Variants in PDE4D observed in about 807,000 individuals in gnomAD.
PDE4D encodes 3',5'-cyclic-AMP phosphodiesterase 4D.
In PDE4D, 24 loss-of-function variants were observed where a neutral mutation model predicts 87.4. The observed-to-expected ratio is 0.27, with a 90% CI of 0.20 to 0.39. The LOEUF is 0.39. PDE4D is among the 10% of genes least tolerant of loss of function. The pLI is 1.00. For missense variants in PDE4D, 714 were observed against 1,041.0 expected (o/e 0.69, Z 4.32); for synonymous variants, 384 against 383.2 (o/e 1.00, Z -0.02).
chr5:60,460,297 T>C (rs1265191742), intron 1 of PDE4D: 1 of 1,021,980 alleles, frequency 9.8e-7, no homozygotes, highest in African/African-American at 1.6e-5. Flanking sequence ...TAGAAGTTTA[T>C]TTTCAAAGTA....
At chr5:59,593,761 G>C (rs2153704092) in intron 1 of PDE4D, among the ~76,000 whole-genome samples, 1 of 152,276 alleles carries the variant, frequency 6.6e-6, no homozygotes, top group Non-Finnish European at 1.5e-5. Context: ...ATCGTTAGAG[G>C]CTGAGTGCAG....
intron 1 of PDE4D, among the ~76,000 whole-genome samples, chr5:59,313,601 C>T (rs1211277769): frequency 2.6e-5 from 4 of 152,126 alleles, no homozygotes; most frequent in Non-Finnish European, 4.4e-5. Flanking sequence ...TCTGCTCCCC[C>T]TCCATAAAGC....
intron 2 of PDE4D, among the ~76,000 whole-genome samples, chr5:60,100,659 T>C (rs1215363478): frequency 6.6e-6 from 1 of 152,124 alleles, no homozygotes; most frequent in African/African-American, 2.4e-5. Context: ...TTCTCAGGGT[T>C]CTTCAACCTT....
At chr5:60,377,500 T>C (rs1327712942) in intron 1 of PDE4D, among the ~76,000 whole-genome samples, 4 of 152,182 alleles carry the variant, frequency 2.6e-5, no homozygotes, top group Non-Finnish European at 4.4e-5. Context: ...CCAAATATTG[T>C]TTATTAGCCA....
chr5:59,127,021 A>C (rs1328020067), intron 5 of PDE4D, among the ~76,000 whole-genome samples: 1 of 152,204 alleles, frequency 6.6e-6, no homozygotes, highest in Non-Finnish European at 1.5e-5. Flanking sequence ...GTAACCTCCA[A>C]GACATTTTCC....
Position 60,024,359 on chromosome 5 carries a change from A to G in PDE4D, c.43-35642T>C, listed in dbSNP as rs190041195. On this transcript the variant is annotated intron_variant, in intron 2 of 16. Transcript: ENST00000502484. ...CTATGCTTAGTTGCATTTCTTGTTG[A>G]AGCTAGTCTGAAAATAGCAATAAGT... is the stretch of plus-strand genomic sequence containing the variant. Among the ~76,000 whole-genome samples the G allele has an allele frequency of 5.0e-4, 76 of 152,312 alleles. 1 individual carries two copies. The highest frequency in any genetic ancestry group is 1.8e-3 in the African/African-American group (74 of 41,578).
At chr5:59,540,151 T>C (rs1435372834) in intron 1 of PDE4D, among the ~76,000 whole-genome samples, 1 of 152,180 alleles carries the variant, frequency 6.6e-6, no homozygotes, top group African/African-American at 2.4e-5. Context: ...CTTTGAGATG[T>C]GACTTATACG....
chr5:59,915,549 A>G (rs1405481597), intron 3 of PDE4D, among the ~76,000 whole-genome samples: 1 of 152,184 alleles, frequency 6.6e-6, no homozygotes. Context: ...TTAGTTTTAC[A>G]GTTTGTTTTG....
intron 1 of PDE4D, among the ~76,000 whole-genome samples, chr5:59,636,202 C>G (rs1832221018): frequency 6.6e-6 from 1 of 152,130 alleles, no homozygotes; most frequent in Admixed American, 6.6e-5. Context: ...TCAAGTTGAA[C>G]TACAAACCAC....
chr5:59,222,450 C>T (rs1581459190), intron 1 of PDE4D, among the ~76,000 whole-genome samples: 1 of 152,126 alleles, frequency 6.6e-6, no homozygotes, highest in African/African-American at 2.4e-5. Context: ...GCACTGACCC[C>T]CAGTATGAAG....
At chr5:59,432,000 A>C (rs1413228990) in intron 1 of PDE4D, among the ~76,000 whole-genome samples, 1 of 152,058 alleles carries the variant, frequency 6.6e-6, no homozygotes, top group African/African-American at 2.4e-5. Context: ...ATTTCTATTC[A>C]ATAATTTTCT....
chr5:59,548,075 T>C (rs1333105913), intron 1 of PDE4D, among the ~76,000 whole-genome samples: 1 of 152,114 alleles, frequency 6.6e-6, no homozygotes, highest in Non-Finnish European at 1.5e-5. Flanking sequence ...AAACGCTCAA[T>C]CAAATCATGA....
At chr5:59,752,472 C>T (rs193179151) in intron 1 of PDE4D, among the ~76,000 whole-genome samples, 16 of 152,240 alleles carry the variant, frequency 1.1e-4, no homozygotes, top group African/African-American at 3.9e-4. Context: ...GATTCCTGAA[C>T]CTCTTTGTAT....
rs538038491 is a variant in PDE4D, at chr5:59,255,505, A to G, written c.456-39537T>C. Among the ~76,000 whole-genome samples, 7 of 152,208 alleles carry G rather than the reference A, an allele frequency of 4.6e-5. No individual in the cohort carries two copies. In the South Asian group the frequency reaches 1.4e-3, roughly 32 times the overall value. ...TTATAGTGGTAGTAAAATGTTCTAC[A>G]TTGATTTTGGTGACGGTTGCAAAAG... On this transcript the variant is annotated intron_variant, in intron 1 of 14. Coordinates refer to ENST00000340635, the MANE Select transcript of PDE4D (RefSeq NM_001104631.2).
intron 2 of PDE4D, among the ~76,000 whole-genome samples, chr5:60,133,101 G>A (rs2149402013): frequency 6.6e-6 from 1 of 152,192 alleles, no homozygotes; most frequent in East Asian, 1.9e-4. Flanking sequence ...TCCAATTTCT[G>A]GCTCTGCTAT....
intron 2 of PDE4D, among the ~76,000 whole-genome samples, chr5:60,027,723 A>G (rs757809784): frequency 2.6e-5 from 4 of 152,236 alleles, no homozygotes; most frequent in African/African-American, 7.2e-5. Flanking sequence ...AGATTTGTTG[A>G]TTAAATAAAT....
intron 1 of PDE4D, chr5:59,703,529 TG>T (rs1445550532): frequency 3.8e-6 from 2 of 532,388 alleles, no homozygotes; most frequent in African/African-American, 3.9e-5. Flanking sequence ...AGCTTGTACT[TG>T]AGAAGGAATT....
At chr5:59,086,173 G>A (rs1386225905) in intron 5 of PDE4D, among the ~76,000 whole-genome samples, 1 of 152,138 alleles carries the variant, frequency 6.6e-6, no homozygotes, top group African/African-American at 2.4e-5. Context: ...TTGAACCTAA[G>A]GAGTTGGTTT....
chr5:59,248,083 C>G (rs548274196), intron 1 of PDE4D, among the ~76,000 whole-genome samples: 2 of 143,992 alleles, frequency 1.4e-5, no homozygotes, highest in East Asian at 4.0e-4. Context: ...GCAAGCACCT[C>G]CATTACGTAT....
Sources: allele counts gnomAD v4.1 joint callset (sites outside exome capture counted in the v4.1 genomes callset), GRCh38; gene constraint gnomAD v4.1.1; transcripts MANE v1.5; gene names NCBI Gene and HGNC (gene_info 2026-07-23, HGNC 2026-07-21).